ACTR2: variants seen among roughly 807,000 people sequenced by gnomAD.
ACTR2 encodes actin-related protein 2.
ACTR2 carries 5 observed loss-of-function variants against 50.2 expected under a neutral mutation model. The ratio of observed to expected loss-of-function variants is 0.10; its 90% CI spans 0.05 to 0.21. ACTR2 has a LOEUF of 0.21. Among genes scored for constraint, ACTR2 ranks in the 10% least tolerant of loss-of-function variants. The probability of loss-of-function intolerance (pLI) is 1.00; values close to 1 mark genes in which losing one functional copy is unlikely to be tolerated. For missense variants in ACTR2, 180 were observed against 480.6 expected, an observed-to-expected ratio of 0.37 and a Z score of 5.85; for synonymous variants, 140 against 162.9, an observed-to-expected ratio of 0.86 and a Z score of 1.07.
At chr2:65,260,377 A>G (rs1242063779) in intron 6 of ACTR2, among the ~76,000 whole-genome samples, 1 of 152,148 alleles carries the variant, frequency 6.6e-6, no homozygotes, top group Non-Finnish European at 1.5e-5. Flanking sequence ...GTGGTGGCAC[A>G]TGCCTGTAAT....
At chr2:65,239,817 T>C (rs776934187) in intron 1 of ACTR2, 35 bp from the exon 2 acceptor site, 1 of 1,249,228 alleles carries the variant, frequency 8.0e-7, no homozygotes, top group Admixed American at 1.7e-5. Flanking sequence ...AATATCCTGA[T>C]GCTAACCCAC....
intron 1 of ACTR2, among the ~76,000 whole-genome samples, chr2:65,235,476 G>A (rs984588173): frequency 1.3e-5 from 2 of 152,200 alleles, no homozygotes; most frequent in Admixed American, 1.3e-4. Flanking sequence ...AGTAATCCAG[G>A]CTGGGTGCCG....
At chr2:65,249,818 T>C (rs1672009831) in intron 3 of ACTR2, among the ~76,000 whole-genome samples, 1 of 152,114 alleles carries the variant, frequency 6.6e-6, no homozygotes, top group East Asian at 1.9e-4. Context: ...CATTTGGAGG[T>C]TGTAATTACA....
intron 1 of ACTR2, among the ~76,000 whole-genome samples, chr2:65,237,558 G>A (rs1463788846): frequency 6.6e-6 from 1 of 152,068 alleles, no homozygotes; most frequent in Non-Finnish European, 1.5e-5. Context: ...GACTATACAA[G>A]AATTTGTAAC....
chr2:65,263,179 A>G (rs1672307146), intron 7 of ACTR2, among the ~76,000 whole-genome samples: 1 of 150,554 alleles, frequency 6.6e-6, no homozygotes, highest in South Asian at 2.1e-4. Flanking sequence ...TGCAGACGTG[A>G]GCCACCACGC....
chr2:65,231,356 G>T lies in ACTR2; in HGVS notation c.48+3399G>T, dbSNP rs375703307. On this transcript the variant is annotated intron_variant, in intron 1 of 8. Transcript: ENST00000260641. Reference sequence around the variant, plus strand: ...GAGGACTAGGAACCGCTTAGATTGTGTATTCTGTTTCTTACCATTTGTAGA... The same window carrying T: ...GAGGACTAGGAACCGCTTAGATTGTTTATTCTGTTTCTTACCATTTGTAGA... Among the ~76,000 whole-genome samples, 915 of 152,216 alleles carry T rather than the reference G, an allele frequency of 6.0e-3. 6 individuals carry two copies. The highest frequency in any genetic ancestry group is 0.048 in the Middle Eastern group (14 of 294).
At chr2:65,235,610 C>CTGGG (rs1293133932) in intron 1 of ACTR2, among the ~76,000 whole-genome samples, 1 of 152,116 alleles carries the variant, frequency 6.6e-6, no homozygotes, top group Admixed American at 6.6e-5. Flanking sequence ...CAAAAATTAG[C>CTGGG]CAGGTGCAGT....
intron 1 of ACTR2, among the ~76,000 whole-genome samples, chr2:65,239,175 C>T (rs1183177771): frequency 1.3e-5 from 2 of 152,174 alleles, no homozygotes; most frequent in African/African-American, 2.4e-5. Context: ...TAGCATTTTG[C>T]CGGGCATGGT....
chr2:65,246,808 CT>C (rs1671946785), intron 3 of ACTR2, 69 bp downstream of exon 3: 2 of 1,001,898 alleles, frequency 2.0e-6, no homozygotes, highest in Non-Finnish European at 2.9e-6. Context: ...AATTTTCTTA[CT>C]GTTGCTATGG....
rs139029822 is a variant in ACTR2 at position 65,264,794 on chromosome 2, T to G, written c.882-249T>G. Among the ~76,000 whole-genome samples, 438 of 152,342 alleles carry G rather than the reference T, an allele frequency of 2.9e-3. 1 individual carries two copies. The highest frequency in any genetic ancestry group is 0.01 in the African/African-American group (421 of 41,590). ...GTCATTATTAGAAGTCTCAGTTATATTCACAAAAAAGTGTATTATATACTT... is the reference window on the plus strand; with the variant it reads ...GTCATTATTAGAAGTCTCAGTTATAGTCACAAAAAAGTGTATTATATACTT... On this transcript the variant is annotated intron_variant, in intron 7 of 8. Coordinates refer to ENST00000260641, the MANE Select transcript of ACTR2 (RefSeq NM_005722.4).
At chr2:65,256,983 A>G (rs1386576764) in intron 6 of ACTR2, among the ~76,000 whole-genome samples, 1 of 152,106 alleles carries the variant, frequency 6.6e-6, no homozygotes, top group Non-Finnish European at 1.5e-5. Flanking sequence ...TCTGGGATAC[A>G]TGTGCAGAAA....
At chr2:65,246,786 T>C (rs2103997372) in intron 3 of ACTR2, 47 bp downstream of exon 3, 1 of 1,302,398 alleles carries the variant, frequency 7.7e-7, no homozygotes, top group Non-Finnish European at 1.0e-6. Flanking sequence ...TGTGATATTA[T>C]GTTAAATCAA....
At chr2:65,233,293 C>G (rs1004741529) in intron 1 of ACTR2, among the ~76,000 whole-genome samples, 1 of 151,826 alleles carries the variant, frequency 6.6e-6, no homozygotes, top group South Asian at 2.1e-4. Flanking sequence ...TGCGCCCAGT[C>G]TAGATTTTTT....
intron 6 of ACTR2, among the ~76,000 whole-genome samples, chr2:65,257,924 T>G (rs950351728): frequency 6.6e-5 from 10 of 152,380 alleles, no homozygotes; most frequent in African/African-American, 1.9e-4. Context: ...TTTCTTTTGC[T>G]ATGCAAGAAG....
chr2:65,236,158 G>GT (rs1220953676), intron 1 of ACTR2, among the ~76,000 whole-genome samples: 1 of 152,092 alleles, frequency 6.6e-6, no homozygotes, highest in African/African-American at 2.4e-5. Flanking sequence ...GGCCAACATG[G>GT]TGAAACCCCG....
In ACTR2 at chr2:65,258,348, C is replaced by T. The variant is rs532041664; in HGVS notation, c.735+2654C>T. Among the ~76,000 whole-genome samples, 276 of 152,052 alleles carry T rather than the reference C, an allele frequency of 1.8e-3. 1 individual carries two copies. Among genetic ancestry groups the T allele is most frequent in the Middle Eastern group, 3.4e-3 (1 of 294 alleles). ...CCCAGCACTTTGGGAGGCTGAGATA[C>T]GAGGATCACTTGAGGCCAGGAGTTC... is the stretch of plus-strand genomic sequence containing the variant. On this transcript the variant is annotated intron_variant, in intron 6 of 8. Transcript: ENST00000260641.
intron 7 of ACTR2, among the ~76,000 whole-genome samples, chr2:65,264,139 T>A (rs1036504039): frequency 6.6e-6 from 1 of 152,226 alleles, no homozygotes; most frequent in African/African-American, 2.4e-5. Flanking sequence ...CAGTACCTTC[T>A]CCACAGAGTT....
chr2:65,250,228 G>A (rs191884701), intron 3 of ACTR2, among the ~76,000 whole-genome samples: 12 of 152,078 alleles, frequency 7.9e-5, no homozygotes, highest in Admixed American at 7.9e-4. Flanking sequence ...GCCGGGTGTG[G>A]TGGTGTACGC....
chr2:65,250,764 G>A (rs1672032976), intron 3 of ACTR2, among the ~76,000 whole-genome samples: 1 of 150,578 alleles, frequency 6.6e-6, no homozygotes, highest in African/African-American at 2.4e-5. Context: ...ACACTAATTA[G>A]TCATTAACTA....
Sources: gnomAD v4.1 joint callset for allele counts (sites outside exome capture counted in the v4.1 genomes callset) on GRCh38, gnomAD v4.1.1 for gene constraint, MANE v1.5 for transcripts, NCBI Gene and HGNC (gene_info 2026-07-23, HGNC 2026-07-21) for gene names.